The following NOSTRIN variants were observed in gnomAD, a reference collection of about 807,000 sequenced individuals.
NOSTRIN encodes the protein BM247 homolog.
A neutral mutation model predicts 59.0 loss-of-function variants in NOSTRIN; 63 were observed. The observed-to-expected ratio is 1.07, with a 90% CI of 0.87 to 1.32. NOSTRIN has a LOEUF of 1.32. Ranked by LOEUF, NOSTRIN falls within the 40% of genes most tolerant of loss-of-function variation. The probability of loss-of-function intolerance (pLI) is 0.00; values close to 1 mark genes in which losing one functional copy is unlikely to be tolerated. For synonymous variants in NOSTRIN, 200 were observed against 165.4 expected (o/e 1.21, Z -1.61); for missense variants, 512 against 473.1 (o/e 1.08, Z -0.76).
chr2:168,864,858 A>AAAAAG lies in NOSTRIN; in HGVS notation c.1412_1416dup (p.Gly473LysfsTer10), dbSNP rs1689757382. ...GGTGACATTGTGATTATACACGAGA[A>AAAAAG]AAAAGAAGGAGGATGGTGGTTTGGA... On this transcript the variant is annotated frameshift_variant, in exon 16 of 16. Transcript: ENST00000317647. LOFTEE classifies it high-confidence loss of function. 1.2e-6 allele frequency: 2 copies of AAAAAG among 1,614,024 alleles called. No homozygotes were observed. The highest frequency in any genetic ancestry group is 4.5e-5 in the East Asian group (2 of 44,862).
chr2:168,862,543 TGTAA>T (rs67216045), intron 15 of NOSTRIN, among the ~76,000 whole-genome samples: 56,505 of 151,912 alleles, frequency 0.37, 11,147 homozygotes, highest in Non-Finnish European at 0.45. Context: ...CTCAACTTAG[TGTAA>T]GTAAGTGCAA....
intron 1 of NOSTRIN, among the ~76,000 whole-genome samples, chr2:168,804,259 G>A (rs1685733992): frequency 6.6e-6 from 1 of 152,142 alleles, no homozygotes; most frequent in Non-Finnish European, 1.5e-5. Context: ...TCCCTGGCAT[G>A]CTGAATAGTT....
At chr2:168,797,072 CTTT>C (rs1168296049), upstream of NOSTRIN, among the ~76,000 whole-genome samples, 6 of 85,352 alleles carry the variant, frequency 7.0e-5, no homozygotes, top group Admixed American at 6.2e-4. Flanking sequence ...CTTTCTTTTT[CTTT>C]TTTCTTTTTT....
chr2:168,793,152 G>A (rs979366590), upstream of NOSTRIN, among the ~76,000 whole-genome samples: 4 of 152,094 alleles, frequency 2.6e-5, no homozygotes, highest in Non-Finnish European at 5.9e-5. Context: ...ACCCAGTCTT[G>A]CTGGTTCCAT....
chr2:168,812,480 G>A (rs997828226), intron 2 of NOSTRIN, among the ~76,000 whole-genome samples: 3 of 152,038 alleles, frequency 2.0e-5, no homozygotes, highest in South Asian at 2.1e-4. Context: ...TTCTGAAAAC[G>A]AGTTAGATTA....
At chr2:168,787,676 G>A (rs2105491962) in intron 1 of NOSTRIN, among the ~76,000 whole-genome samples, 1 of 152,292 alleles carries the variant, frequency 6.6e-6, no homozygotes, top group East Asian at 1.9e-4. Flanking sequence ...GAATGAATAT[G>A]CATTTACAGA....
chr2:168,847,884 T>C (rs758828414), intron 8 of NOSTRIN, among the ~76,000 whole-genome samples: 71 of 152,240 alleles, frequency 4.7e-4, no homozygotes, highest in Non-Finnish European at 8.8e-4. Flanking sequence ...TAGATCATTT[T>C]AATGATTTCC....
intron 7 of NOSTRIN, among the ~76,000 whole-genome samples, chr2:168,842,209 A>G (rs1304399189): frequency 3.9e-5 from 6 of 152,202 alleles, no homozygotes; most frequent in East Asian, 3.9e-4. Flanking sequence ...GTTTCTACCA[A>G]TAGCCTCAGG....
chr2:168,823,505 G>T (rs1175222249), intron 2 of NOSTRIN, among the ~76,000 whole-genome samples: 2 of 152,086 alleles, frequency 1.3e-5, no homozygotes, highest in Non-Finnish European at 2.9e-5. Context: ...GGCATTCTTT[G>T]GCTTGTAGAT....
chr2:168,856,439 G>T, intron 11 of NOSTRIN: 1 of 448,910 alleles, frequency 2.2e-6, no homozygotes, highest in South Asian at 2.6e-5. Flanking sequence ...GCCGGACATG[G>T]TGGCATACAC....
upstream of NOSTRIN, chr2:168,798,065 C>A (rs1362569070): frequency 6.6e-6 from 1 of 152,022 alleles, no homozygotes; most frequent in Non-Finnish European, 1.5e-5. Context: ...ACTCATAATA[C>A]CTAATGCTAT....
At chr2:168,840,256 C>T (rs921888183) in intron 7 of NOSTRIN, among the ~76,000 whole-genome samples, 1 of 152,116 alleles carries the variant, frequency 6.6e-6, no homozygotes, top group Non-Finnish European at 1.5e-5. Context: ...GTCAGCTGGG[C>T]GCGGTGGCTC....
chr2:168,837,687 T>C (rs1176167479), intron 7 of NOSTRIN, among the ~76,000 whole-genome samples: 1 of 152,190 alleles, frequency 6.6e-6, no homozygotes, highest in Non-Finnish European at 1.5e-5. Context: ...CAAATCACCC[T>C]AATCAAGCTT....
intron 1 of NOSTRIN, among the ~76,000 whole-genome samples, chr2:168,805,038 A>C (rs1341324663): frequency 6.6e-6 from 1 of 152,230 alleles, no homozygotes; most frequent in East Asian, 1.9e-4. Context: ...TTAAAAATAC[A>C]TTCTAAAAAA....
chr2:168,794,884 CA>C (rs1685442993), upstream of NOSTRIN, among the ~76,000 whole-genome samples: 3 of 152,254 alleles, frequency 2.0e-5, no homozygotes, highest in Admixed American at 2.0e-4. Flanking sequence ...TGTGCCACTG[CA>C]CCTGGCTCTT....
chr2:168,856,880 C>A, intron 12 of NOSTRIN, 102 bp downstream of exon 12: 3 of 1,062,980 alleles, frequency 2.8e-6, no homozygotes, highest in Non-Finnish European at 4.3e-6. Context: ...TTTCCTTTCT[C>A]ATGACATAGA....
intron 15 of NOSTRIN, among the ~76,000 whole-genome samples, chr2:168,864,238 A>G (rs1403366184): frequency 6.6e-6 from 1 of 151,248 alleles, no homozygotes; most frequent in African/African-American, 2.4e-5. Context: ...CGGCCTCCCA[A>G]CGTGCTGGGA....
chr2:168,802,986 G>T (rs1685670663), intron 1 of NOSTRIN, among the ~76,000 whole-genome samples: 1 of 152,120 alleles, frequency 6.6e-6, no homozygotes, highest in Non-Finnish European at 1.5e-5. Flanking sequence ...TACACCCATG[G>T]TGCCAACATC....
At chr2:168,855,498 C>T (rs1296917914) in intron 11 of NOSTRIN, 38 bp downstream of exon 11, 3 of 1,131,892 alleles carry the variant, frequency 2.7e-6, no homozygotes, top group Non-Finnish European at 4.0e-6. Context: ...GAAAAGGGAC[C>T]ATATGATGCT....
Sources: allele counts gnomAD v4.1 joint callset (sites outside exome capture counted in the v4.1 genomes callset), GRCh38; gene constraint gnomAD v4.1.1; transcripts MANE v1.5; gene names NCBI Gene and HGNC (gene_info 2026-07-23, HGNC 2026-07-21).